TRIM24: variants seen among roughly 807,000 people sequenced by gnomAD.
TRIM24 encodes tripartite motif containing 24, also known as transcription intermediary factor 1-alpha.
In TRIM24, 29 loss-of-function variants were observed where a neutral mutation model predicts 123.9. The ratio of observed to expected loss-of-function variants is 0.23; its 90% CI spans 0.17 to 0.32. TRIM24 has a LOEUF of 0.32. TRIM24 is among the 10% of genes least tolerant of loss of function. The pLI, the probability that TRIM24 is intolerant of heterozygous loss-of-function variation, is 1.00. For synonymous variants in TRIM24, 456 were observed against 461.1 expected (o/e 0.99, Z 0.14); for missense variants, 932 against 1,295.3 (o/e 0.72, Z 4.31).
At chr7:138,524,155 A>T (rs1183286150) in intron 4 of TRIM24, among the ~76,000 whole-genome samples, 1 of 152,236 alleles carries the variant, frequency 6.6e-6, no homozygotes, top group Non-Finnish European at 1.5e-5. Context: ...GAAGCAGTAG[A>T]AACATTCCAT....
Position 138,513,362 on chromosome 7 carries a change from C to T in TRIM24, c.484-1850C>T, listed in dbSNP as rs376367619. On this transcript the variant is annotated intron_variant, in intron 2 of 18. Transcript: ENST00000343526. ...AGAGCAGTGCCCCACTCCTCAGTAC[C>T]GATTTTCTGTTATCAGTCTGGTCTC... 9.9e-5 allele frequency among the ~76,000 whole-genome samples: 15 copies of T among 152,210 alleles called. No individual in the cohort carries two copies. The South Asian group carries it at 2.9e-3, about 30-fold the overall frequency.
chr7:138,570,756 TGTGA>T, intron 10 of TRIM24, 70 bp from the exon 11 acceptor site: 1 of 1,491,076 alleles, frequency 6.7e-7, no homozygotes, highest in Non-Finnish European at 9.2e-7. Context: ...CTTCATTTTG[TGTGA>T]GTGATTACAT....
At chr7:138,534,645 A>G (rs1233545095) in intron 6 of TRIM24, among the ~76,000 whole-genome samples, 2 of 152,172 alleles carry the variant, frequency 1.3e-5, no homozygotes, top group African/African-American at 4.8e-5. Flanking sequence ...TGTGTGGTCA[A>G]TTTTGGAATA....
intron 6 of TRIM24, among the ~76,000 whole-genome samples, chr7:138,531,992 G>A (rs1796757492): frequency 6.6e-6 from 1 of 152,146 alleles, no homozygotes; most frequent in Admixed American, 6.5e-5. Flanking sequence ...TTTTTCATGT[G>A]TCTGTTGGCT....
At chr7:138,513,576 G>A (rs1298199847) in intron 2 of TRIM24, among the ~76,000 whole-genome samples, 2 of 151,912 alleles carry the variant, frequency 1.3e-5, no homozygotes, top group Non-Finnish European at 2.9e-5. Flanking sequence ...GGGGGGAGGC[G>A]CCACACACTT....
At chr7:138,579,153 G>A in intron 14 of TRIM24, 51 bp from the exon 15 acceptor site, 1 of 1,463,248 alleles carries the variant, frequency 6.8e-7, no homozygotes, top group Non-Finnish European at 9.2e-7. Context: ...AATTGCATTA[G>A]TGATAAAATT....
rs776851252 is a variant in TRIM24 at position 138,529,213 on chromosome 7, C to T, written c.979C>T (p.Leu327=). The change falls in exon 6 of 19, where the codon CTA becomes TTA. Residue 327 remains leucine, a synonymous_variant. Coordinates refer to ENST00000343526, the MANE Select transcript of TRIM24 (RefSeq NM_015905.3). The stretch of plus-strand genomic sequence containing the variant: ...AGAAATAAATAAAAAAGGAAAAGCT[C>T]TACTGCATCAGTTAGAGGTAAGTGA... ...MVEINKKGKA[L]LHQLESLAKD... 3.2e-6 allele frequency: 5 copies of T among 1,549,812 alleles called. No individual in the cohort carries two copies. In the East Asian group the frequency reaches 7.1e-5, roughly 22 times the overall value.
intron 7 of TRIM24, among the ~76,000 whole-genome samples, chr7:138,550,152 C>T (rs1454996423): frequency 6.6e-6 from 1 of 151,986 alleles, no homozygotes; most frequent in African/African-American, 2.4e-5. Flanking sequence ...AGTCAGCAGC[C>T]TTAATGGCCT....
intron 6 of TRIM24, among the ~76,000 whole-genome samples, chr7:138,530,442 G>T (rs1364886872): frequency 6.6e-6 from 1 of 151,980 alleles, no homozygotes. Context: ...TATATCTACT[G>T]ATGACCAGGT....
At chr7:138,491,219 GT>G in intron 1 of TRIM24, 1 of 239,662 alleles carries the variant, frequency 4.2e-6, no homozygotes, top group Non-Finnish European at 8.5e-6. Context: ...TTGTTCCTTG[GT>G]TTTGGTGATT....
intron 1 of TRIM24, among the ~76,000 whole-genome samples, chr7:138,487,982 T>C (rs1795686075): frequency 6.6e-6 from 1 of 152,182 alleles, no homozygotes; most frequent in Non-Finnish European, 1.5e-5. Flanking sequence ...CTGGACTTTT[T>C]TTCGTTGGTA....
At chr7:138,556,383 G>C (rs1034625682) in intron 9 of TRIM24, 8 of 152,194 alleles carry the variant, frequency 5.3e-5, no homozygotes, top group African/African-American at 1.9e-4. Context: ...TTTTAAGAGA[G>C]AAGCAGTTGA....
chr7:138,460,921 C>T lies in TRIM24; in HGVS notation c.364+9C>T, dbSNP rs767160577. The T allele has an allele frequency of 7.0e-7, 1 of 1,435,556 alleles. No homozygotes were observed. The highest frequency in any genetic ancestry group is 3.0e-5 in the East Asian group (1 of 33,480). 88.9% of individuals were successfully genotyped at this position (1,435,556 alleles called of 1,614,324 possible). A position where few individuals can be genotyped will look rare whatever the true frequency, so the allele number is the denominator to read the frequency against. ...GCCGTTCGCCACCCAAGGTGAGAAC[C>T]GGCCGCGGCCGCTGGGGAGCCCGGG... On this transcript the variant is annotated intron_variant, in intron 1 of 18. Transcript: ENST00000343526.
intron 1 of TRIM24, chr7:138,490,622 A>G (rs1795760369): frequency 3.2e-6 from 1 of 314,134 alleles, no homozygotes; most frequent in Non-Finnish European, 6.1e-6. Context: ...CTCATTCAAC[A>G]TTAGCACGTA....
At chr7:138,476,961 A>G (rs1238508991) in intron 1 of TRIM24, among the ~76,000 whole-genome samples, 2 of 152,204 alleles carry the variant, frequency 1.3e-5, no homozygotes, top group Non-Finnish European at 2.9e-5. Flanking sequence ...AAGGAATGAA[A>G]AAGATATGAA....
chr7:138,562,102 A>G (rs1351770802), intron 9 of TRIM24, among the ~76,000 whole-genome samples: 1 of 152,042 alleles, frequency 6.6e-6, no homozygotes, highest in African/African-American at 2.4e-5. Context: ...TATACAGGAG[A>G]TGGAGGAGGT....
intron 12 of TRIM24, 39 bp from the exon 13 acceptor site, chr7:138,576,334 T>A: frequency 6.4e-7 from 1 of 1,571,392 alleles, no homozygotes; most frequent in Non-Finnish European, 8.8e-7. Flanking sequence ...TGCATAATTA[T>A]TCATTCGTTT....
chr7:138,461,270 ACCCGCCCGCTGCCT>A (rs768579996), intron 1 of TRIM24: 1 of 565,234 alleles, frequency 1.8e-6, no homozygotes, highest in South Asian at 1.4e-5. Flanking sequence ...GTTAACTGCT[ACCCGCCCGCTGCCT>A]CCACAAAGCT....
chr7:138,554,768 T>C lies in TRIM24; in HGVS notation c.1332T>C (p.Asn444=). 6.2e-7 allele frequency: 1 copy of C among 1,614,190 alleles called. No homozygotes were observed. The highest frequency in any genetic ancestry group is 8.5e-7 in the Non-Finnish European group (1 of 1,180,002). The stretch of plus-strand genomic sequence containing the variant: ...AGCAGAATCCTGTCGTGGAACAGAA[T>C]TCACAGCCACCAAGTGGTTTATCAT... ...MPKQNPVVEQ[N]SQPPSGLSSN... Residue 444 remains asparagine, a synonymous_variant, in exon 9 of 19, where the codon AAT becomes AAC. Transcript: ENST00000343526. The surrounding 1 kb of genome is among the most constrained non-coding windows in gnomAD (Gnocchi z 4.5).
Sources: gnomAD v4.1 joint callset for allele counts (sites outside exome capture counted in the v4.1 genomes callset) on GRCh38, gnomAD v4.1.1 for gene constraint, Gnocchi (gnomAD v3.1) non-coding constraint, MANE v1.5 for transcripts, NCBI Gene and HGNC (gene_info 2026-07-23, HGNC 2026-07-21) for gene names.